CASP4: variants seen among roughly 807,000 people sequenced by gnomAD.
CASP4 encodes the protein caspase 4.
CASP4 carries 29 observed loss-of-function variants against 41.3 expected under a neutral mutation model. The observed-to-expected ratio is 0.70, with a 90% CI of 0.52 to 0.96. CASP4 has a LOEUF of 0.96. Among genes scored for constraint, CASP4 ranks in the 40% least tolerant of loss-of-function variants. CASP4 has a pLI of 0.00. For missense variants in CASP4, 447 were observed against 460.6 expected, an observed-to-expected ratio of 0.97 and a Z score of 0.27; for synonymous variants, 185 against 158.4, an observed-to-expected ratio of 1.17 and a Z score of -1.26.
chr11:104,966,656 G>A (rs1263669677), intron 1 of CASP4, among the ~76,000 whole-genome samples: 2 of 152,162 alleles, frequency 1.3e-5, no homozygotes, highest in African/African-American at 4.8e-5. Flanking sequence ...GGTGTCTCGT[G>A]TAACCAGAAA....
chr11:104,946,615 G>A (rs1461964760), intron 7 of CASP4: 1 of 152,000 alleles, frequency 6.6e-6, no homozygotes, highest in Non-Finnish European at 1.5e-5. Flanking sequence ...ATGTCTTTAT[G>A]GATCCTATCA....
At chr11:104,949,813 G>A (rs1245859733) in intron 4 of CASP4, 36 bp from the exon 5 acceptor site, 3 of 1,592,164 alleles carry the variant, frequency 1.9e-6, no homozygotes, top group Non-Finnish European at 2.6e-6. Context: ...AGTCAGAGAA[G>A]CATCACAATT....
At chr11:104,959,521 T>C (rs1431064145) in intron 1 of CASP4, among the ~76,000 whole-genome samples, 1 of 152,186 alleles carries the variant, frequency 6.6e-6, no homozygotes, top group Non-Finnish European at 1.5e-5. Context: ...CATTATATGC[T>C]TAAAAGAATA....
chr11:104,956,132 T>C (rs1420569909), intron 1 of CASP4, among the ~76,000 whole-genome samples: 2 of 152,092 alleles, frequency 1.3e-5, no homozygotes, highest in Non-Finnish European at 2.9e-5. Context: ...TGAATGCATA[T>C]AAAACAATTT....
intron 2 of CASP4, 58 bp downstream of exon 2, chr11:104,954,683 AGGCCTT>A: frequency 7.0e-7 from 1 of 1,421,038 alleles, no homozygotes; most frequent in East Asian, 2.3e-5. Context: ...GACACTGCTT[AGGCCTT>A]GGAGTTAAAC....
intron 8 of CASP4, chr11:104,944,331 T>C (rs1024487935): frequency 6.3e-6 from 1 of 159,800 alleles, no homozygotes; most frequent in Non-Finnish European, 1.4e-5. Context: ...GATGCAATGT[T>C]TGGCTACTTA....
In CASP4 at chr11:104,967,914, G is replaced by A. The variant is rs185790648; in HGVS notation, c.7+605C>T. ...GTATAAGACAGGTGACCTAAAAGTT[G>A]TGTGCAGAATGGATTGGAGAGTTAA... On this transcript the variant is annotated intron_variant, in intron 1 of 8. Coordinates refer to ENST00000444739, the MANE Select transcript of CASP4 (RefSeq NM_001225.4). 3.3e-5 allele frequency among the ~76,000 whole-genome samples: 5 copies of A among 152,260 alleles called. No homozygotes were observed. The East Asian group carries it at 9.7e-4, about 29-fold the overall frequency.
intron 1 of CASP4, among the ~76,000 whole-genome samples, chr11:104,964,744 T>C (rs576649457): frequency 6.6e-6 from 1 of 152,312 alleles, no homozygotes; most frequent in African/African-American, 2.4e-5. Flanking sequence ...AACAGGTTCA[T>C]GAGCTCCAAG....
Position 104,944,820 on chromosome 11 carries a change from T to C in CASP4, c.1067A>G (p.Lys356Arg). Reference sequence around the variant, plus strand: ...TCGTTCTATGGTGGGCATTTGAGCTTTGGCCCTTGGAGTTTCAAATGATTG... The same window carrying C: ...TCGTTCTATGGTGGGCATTTGAGCTCTGGCCCTTGGAGTTTCAAATGATTG... Reference protein sequence around the residue: ...VQQSFETPRAKAQMPTIERLS... With the variant: ...VQQSFETPRARAQMPTIERLS... Residue 356 changes from lysine to arginine, a missense_variant, in exon 8 of 9, where the codon AAA becomes AGA. Coordinates refer to ENST00000444739, the MANE Select transcript of CASP4 (RefSeq NM_001225.4). 2 of 1,613,586 alleles carry C rather than the reference T, an allele frequency of 1.2e-6. No homozygotes were observed. Among genetic ancestry groups the C allele is most frequent in the Non-Finnish European group, 1.7e-6 (2 of 1,179,588 alleles).
chr11:104,954,725 A>G (rs1770443102), intron 2 of CASP4, 22 bp downstream of exon 2: 1 of 1,607,718 alleles, frequency 6.2e-7, no homozygotes, highest in South Asian at 1.1e-5. Flanking sequence ...TGAGACATTC[A>G]TTGTAAAAAA....
chr11:104,950,822 A>ACCCC, intron 4 of CASP4, 103 bp downstream of exon 4: 1 of 1,022,904 alleles, frequency 9.8e-7, no homozygotes, highest in African/African-American at 1.6e-5. Context: ...ACACACACAC[A>ACCCC]CCCAAAGGTT....
intron 1 of CASP4, among the ~76,000 whole-genome samples, chr11:104,966,706 G>C (rs1261170051): frequency 6.6e-6 from 1 of 152,122 alleles, no homozygotes; most frequent in Non-Finnish European, 1.5e-5. Context: ...GAAATGTGAG[G>C]CCAGGACTGA....
chr11:104,952,170 G>A (rs1465991368), intron 2 of CASP4, 165 bp from the exon 3 acceptor site: 1 of 560,316 alleles, frequency 1.8e-6, no homozygotes, highest in African/African-American at 1.9e-5. Flanking sequence ...ATTGTTACTG[G>A]AAAAGATAGA....
intron 8 of CASP4, chr11:104,944,208 T>C (rs1490914524): frequency 6.3e-6 from 1 of 158,174 alleles, no homozygotes; most frequent in East Asian, 1.9e-4. Context: ...CATCTGGTAA[T>C]GGTATCTGGA....
chr11:104,964,080 A>G (rs534209976), intron 1 of CASP4, among the ~76,000 whole-genome samples: 1 of 152,342 alleles, frequency 6.6e-6, no homozygotes, highest in Admixed American at 6.5e-5. Context: ...TATAATTGTT[A>G]TACAAAATTG....
At chr11:104,946,430 C>T (rs1860460844) in intron 7 of CASP4, among the ~76,000 whole-genome samples, 2 of 152,026 alleles carry the variant, frequency 1.3e-5, no homozygotes, top group African/African-American at 4.8e-5. Flanking sequence ...AGTAAAAAAC[C>T]AGACACATAA....
In CASP4 at chr11:104,942,974, C is replaced by T. The variant is rs1283906575; in HGVS notation, c.*6-1G>A. On this transcript the variant is annotated splice_acceptor_variant, in intron 8 of 8. Transcript: ENST00000444739. LOFTEE classifies it low-confidence loss of function (3UTR_SPLICE). The stretch of plus-strand genomic sequence containing the variant: ...GGAGGGCTGGGCTGCTTGTGGCTTC[C>T]TGCAGGGGAGAGAAAAAACAGAAGG... 1.1e-5 allele frequency: 5 copies of T among 455,146 alleles called. No individual in the cohort carries two copies. The highest frequency in any genetic ancestry group is 9.4e-5 in the Admixed American group (4 of 42,554). The allele number at this position is 455,146 out of a possible 1,614,324, so 28.2% of individuals were successfully genotyped here. A position where few individuals can be genotyped will look rare whatever the true frequency, so the allele number is the denominator to read the frequency against.
intron 1 of CASP4, among the ~76,000 whole-genome samples, chr11:104,957,382 T>C (rs1477221185): frequency 6.6e-6 from 1 of 152,116 alleles, no homozygotes; most frequent in Non-Finnish European, 1.5e-5. Context: ...TTCAACCCGA[T>C]CAACATGGTG....
At chr11:104,946,098 C>T (rs765784473) in intron 7 of CASP4, among the ~76,000 whole-genome samples, 35 of 152,206 alleles carry the variant, frequency 2.3e-4, no homozygotes, top group Non-Finnish European at 4.1e-4. Context: ...CACCCTCCTT[C>T]GGACTCCCAG....
Sources: gnomAD v4.1 joint callset for allele counts (sites outside exome capture counted in the v4.1 genomes callset) on GRCh38, gnomAD v4.1.1 for gene constraint, MANE v1.5 for transcripts, NCBI Gene and HGNC (gene_info 2026-07-23, HGNC 2026-07-21) for gene names.